PLXNA1: variants seen among roughly 807,000 people sequenced by gnomAD.
The protein encoded by PLXNA1 is plexin A1, also known as plexin-A1.
In PLXNA1, 77 loss-of-function variants were observed where a neutral mutation model predicts 191.7. The observed-to-expected ratio is 0.40, with a 90% CI of 0.33 to 0.49. The LOEUF is 0.49. Ranked by LOEUF, PLXNA1 falls within the 20% of genes least tolerant of loss-of-function variation. The pLI, the probability that PLXNA1 is intolerant of heterozygous loss-of-function variation, is 0.63. For missense variants in PLXNA1, 2,110 were observed against 2,660.2 expected, an observed-to-expected ratio of 0.79 and a Z score of 4.55; for synonymous variants, 1,137 against 1,156.4, an observed-to-expected ratio of 0.98 and a Z score of 0.34.
chr3:127,016,742 G>A, intron 16 of PLXNA1, 58 bp downstream of exon 16: 1 of 1,590,200 alleles, frequency 6.3e-7, no homozygotes, highest in Non-Finnish European at 8.6e-7. Context: ...CGCTGAGCCA[G>A]GAGCTCTTCC....
In PLXNA1 at chr3:127,014,498, G is replaced by A. The variant is rs368369018; in HGVS notation, c.2625G>A (p.Pro875=). Residue 875 remains proline (P), a synonymous_variant, in exon 13 of 32, where the codon CCG becomes CCA. Coordinates refer to ENST00000393409, the MANE Select transcript of PLXNA1 (RefSeq NM_032242.4). ...KILKLSPETG[P]RQGGTRLTIT... ...CTCAGCTGTCCCCCGAGACGGGCCC[G>A]AGGCAGGGCGGCACGCGGCTCACTA... The A allele has an allele frequency of 1.4e-5, 23 of 1,605,078 alleles. No individual in the cohort carries two copies. Among genetic ancestry groups the A allele is most frequent in the African/African-American group, 2.7e-5 (2 of 74,902 alleles).
intron 3 of PLXNA1, 58 bp from the exon 4 acceptor site, chr3:127,003,272 T>A: frequency 6.7e-7 from 1 of 1,489,020 alleles, no homozygotes. Context: ...CTGTGGGGGG[T>A]GGGGCTGGGT....
At chr3:126,998,316 G>A (rs532424599) in intron 3 of PLXNA1, among the ~76,000 whole-genome samples, 2 of 152,308 alleles carry the variant, frequency 1.3e-5, no homozygotes, top group South Asian at 4.1e-4. Context: ...TGGCACTAGG[G>A]TCAGAGCTGG....
chr3:127,035,419 G>GC lies in PLXNA1; in HGVS notation c.*1408dup, dbSNP rs949577382. ...GGAGTGGAGCAGCCCTGAAGCCTGT[G>GC]CCCCCCGACCTGCGGGCCGCTGTTT... On this transcript the variant is annotated 3_prime_UTR_variant, in exon 32 of 32. Coordinates refer to ENST00000393409, the MANE Select transcript of PLXNA1 (RefSeq NM_032242.4). 1 of 152,246 alleles carries GC rather than the reference G, an allele frequency of 6.6e-6. No individual in the cohort carries two copies. Among genetic ancestry groups the GC allele is most frequent in the African/African-American group, 2.4e-5 (1 of 41,410 alleles). 9.4% of individuals were successfully genotyped at this position (152,246 alleles called of 1,614,324 possible).
At chr3:127,017,256 G>C (rs955010755) in intron 17 of PLXNA1, among the ~76,000 whole-genome samples, 169 bp from the exon 18 acceptor site, 1 of 152,194 alleles carries the variant, frequency 6.6e-6, no homozygotes, top group Non-Finnish European at 1.5e-5. Context: ...CTCTCCTTCA[G>C]GCCACATGTC....
chr3:127,009,980 A>G (rs531281730), intron 9 of PLXNA1, among the ~76,000 whole-genome samples: 2 of 152,318 alleles, frequency 1.3e-5, no homozygotes, highest in South Asian at 2.1e-4. Flanking sequence ...GTGTCTTCAC[A>G]TAACAGTTGC....
Position 127,016,562 on chromosome 3 carries a change from C to T in PLXNA1, c.3060C>T (p.Ser1020=), listed in dbSNP as rs772532352. The change falls in exon 16 of 32, where the codon AGC becomes AGT. Residue 1020 remains serine, a synonymous_variant. Transcript: ENST00000393409. The stretch of plus-strand genomic sequence containing the variant: ...GGTGCCTGACACCCCCCGGGCAGAG[C>T]CCTGGCAGCGCTCCCATCATCATCA... The part of the protein sequence containing the change: ...EIRCLTPPGQ[S]PGSAPIIINI... 1.9e-6 allele frequency: 3 copies of T among 1,613,950 alleles called. No homozygotes were observed. Among genetic ancestry groups the T allele is most frequent in the Non-Finnish European group, 2.5e-6 (3 of 1,179,956 alleles).
At chr3:126,994,508 G>A (rs2079005809) in intron 3 of PLXNA1, among the ~76,000 whole-genome samples, 1 of 149,314 alleles carries the variant, frequency 6.7e-6, no homozygotes, top group African/African-American at 2.5e-5. Flanking sequence ...GCCAGGAGGA[G>A]GAGATCTACC....
In PLXNA1 at chr3:127,032,567, G is replaced by C; in HGVS notation, c.5412G>C (p.Lys1804Asn). Residue 1804 changes from lysine to asparagine, a missense_variant, in exon 30 of 32, where the codon AAG (lysine) becomes AAC (asparagine). By Grantham distance (94) the Lys-to-Asn change is moderately conservative. This residue lies in a region of PLXNA1 where 559 missense variants were observed against 911.5 expected (regional missense o/e 0.61). Coordinates refer to ENST00000393409, the MANE Select transcript of PLXNA1 (RefSeq NM_032242.4). ...DSPSNKLLYA[K>N]DIPNYKSWVE... ...CCTCCAACAAGCTGCTCTACGCCAA[G>C]GACATCCCCAACTACAAGAGCTGGG... is the stretch of plus-strand genomic sequence containing the variant. The C allele has an allele frequency of 6.2e-7, 1 of 1,614,000 alleles. No homozygotes were observed. Among genetic ancestry groups the C allele is most frequent in the Non-Finnish European group, 8.5e-7 (1 of 1,180,000 alleles).
At chr3:127,028,861 A>AG in intron 25 of PLXNA1, 132 bp from the exon 26 acceptor site, 1 of 642,020 alleles carries the variant, frequency 1.6e-6, no homozygotes, top group East Asian at 2.7e-5. Context: ...GTGCTGCAGC[A>AG]GGGGCGGAGG....
chr3:126,995,844 T>G (rs934047482), intron 3 of PLXNA1, among the ~76,000 whole-genome samples: 3 of 152,180 alleles, frequency 2.0e-5, no homozygotes, highest in African/African-American at 7.2e-5. Context: ...TCCCTGGATG[T>G]TGGGTGCATC....
In PLXNA1 at chr3:127,005,090, C is replaced by G; in HGVS notation, c.1744C>G (p.Leu582Val). The change falls in exon 7 of 32, where the codon CTT (leucine) becomes GTT (valine). Residue 582 changes from leucine (L) to valine (V), a missense_variant and splice_region_variant. Physicochemically the swap from Leu to Val is conservative, Grantham distance 32 (BLOSUM62 1). Around this residue, in one of 4 missense-constraint regions of PLXNA1, gnomAD observed 903 missense variants for 1,015.7 expected, o/e 0.89. Transcript: ENST00000393409. ...NVSVTMSQVPLVLQAWNVPDL... is the reference protein window; with the variant it reads ...NVSVTMSQVPVVLQAWNVPDL... ...ACCATGCCTCCTGCTGCCTGCCCAGCTTGTGCTGCAGGCCTGGAACGTGCC... is the reference window on the plus strand; with the variant it reads ...ACCATGCCTCCTGCTGCCTGCCCAGGTTGTGCTGCAGGCCTGGAACGTGCC... The G allele has an allele frequency of 2.5e-6, 4 of 1,612,498 alleles. No individual in the cohort carries two copies. The highest frequency in any genetic ancestry group is 3.4e-6 in the Non-Finnish European group (4 of 1,179,756).
chr3:126,988,648 C>T lies in PLXNA1; in HGVS notation c.55C>T (p.Leu19=), dbSNP rs1203307987. 6.3e-7 allele frequency: 1 copy of T among 1,578,548 alleles called. No individual in the cohort carries two copies. Among genetic ancestry groups the T allele is most frequent in the Non-Finnish European group, 8.6e-7 (1 of 1,162,170 alleles). ...QVLLLLLLLL[L]LLPGMWAEAG... is the part of the protein sequence containing the mutation. ...GCTCCTGCTGCTGCTGCTGTTGCTG[C>T]TGCTGCTGCCGGGCATGTGGGCTGA... Residue 19 remains leucine (L), a synonymous_variant, in exon 2 of 32, where the codon CTG becomes TTG. Coordinates refer to ENST00000393409, the MANE Select transcript of PLXNA1 (RefSeq NM_032242.4).
At chr3:127,031,010 C>G (rs531284343) in intron 29 of PLXNA1, among the ~76,000 whole-genome samples, 1 of 152,304 alleles carries the variant, frequency 6.6e-6, no homozygotes, top group East Asian at 1.9e-4. Flanking sequence ...GGCACCCAGC[C>G]TCTGAGTGGC....
At chr3:127,004,747 G>A in intron 5 of PLXNA1, 36 bp downstream of exon 5, 2 of 1,580,992 alleles carry the variant, frequency 1.3e-6, no homozygotes, top group Non-Finnish European at 8.6e-7. Flanking sequence ...CAGGCGGGGA[G>A]GGCCATGGTG....
chr3:127,016,614 C>T lies in PLXNA1; in HGVS notation c.3112C>T (p.Pro1038Ser). ...CATCAACCGCGCCCAGCTCACCAAC[C>T]CTGAGGTGAAGTACAACTACACCGA... ...ININRAQLTN[P>S]EVKYNYTEDP... The change falls in exon 16 of 32, where the codon CCT becomes TCT. Residue 1038 changes from proline to serine, a missense_variant. This residue lies in a region of PLXNA1 where 644 missense variants were observed against 714.3 expected (regional missense o/e 0.90). Coordinates refer to ENST00000393409, the MANE Select transcript of PLXNA1 (RefSeq NM_032242.4). The T allele has an allele frequency of 6.2e-7, 1 of 1,614,046 alleles. No individual in the cohort carries two copies. Among genetic ancestry groups the T allele is most frequent in the Non-Finnish European group, 8.5e-7 (1 of 1,179,978 alleles).
intron 7 of PLXNA1, among the ~76,000 whole-genome samples, chr3:127,005,576 C>T (rs2079063107): frequency 6.6e-6 from 1 of 152,198 alleles, no homozygotes. Context: ...TATTGCCATC[C>T]CTACTGGCAT....
At chr3:126,995,739 C>G (rs578148540) in intron 3 of PLXNA1, among the ~76,000 whole-genome samples, 1 of 152,386 alleles carries the variant, frequency 6.6e-6, no homozygotes, top group South Asian at 2.1e-4. Context: ...GCCCAGGGAC[C>G]TGCACTGTGG....
chr3:127,004,982 G>A lies in PLXNA1; in HGVS notation c.1717G>A (p.Val573Met), dbSNP rs2079058811. ...GCAGCTGACTGTGCAGCCCCGCAAT[G>A]TGTCTGTCACCATGTCCCAGGTCCC... is the stretch of plus-strand genomic sequence containing the variant. ...CVQLTVQPRN[V>M]SVTMSQVPLV... The change falls in exon 6 of 32, where the codon GTG becomes ATG. Residue 573 changes from valine to methionine, a missense_variant. By Grantham distance (21) the Val-to-Met change is conservative (BLOSUM62 1). Coordinates refer to ENST00000393409, the MANE Select transcript of PLXNA1 (RefSeq NM_032242.4). The A allele has an allele frequency of 6.2e-7, 1 of 1,610,030 alleles. No homozygotes were observed. Among genetic ancestry groups the A allele is most frequent in the Non-Finnish European group, 8.5e-7 (1 of 1,177,804 alleles).
Sources: gnomAD v4.1 joint callset for allele counts (sites outside exome capture counted in the v4.1 genomes callset) on GRCh38, gnomAD v4.1.1 for gene constraint, gnomAD v4.1.1 regional missense constraint, MANE v1.5 for transcripts, NCBI Gene and HGNC (gene_info 2026-07-23, HGNC 2026-07-21) for gene names.